PTPN22: variants seen among roughly 807,000 people sequenced by gnomAD.
PTPN22 encodes tyrosine-protein phosphatase non-receptor type 22.
PTPN22 carries 85 observed loss-of-function variants against 103.3 expected under a neutral mutation model. That is an observed-to-expected ratio of 0.82 (90% confidence interval 0.69 to 0.99). The LOEUF is 0.99. Ranked by LOEUF, PTPN22 falls within the 50% of genes least tolerant of loss-of-function variation. The probability of loss-of-function intolerance (pLI) is 0.00; values close to 1 mark genes in which losing one functional copy is unlikely to be tolerated. For synonymous variants in PTPN22, 323 were observed against 310.2 expected (o/e 1.04, Z -0.43); for missense variants, 865 against 936.9 (o/e 0.92, Z 1.00).
At chr1:113,829,684 T>C in exon 18 of PTPN22, 3 of 1,598,860 alleles carry the variant, frequency 1.9e-6, no homozygotes, top group Non-Finnish European at 2.6e-6. Flanking sequence ...GTAGAATATG[T>C]TTCTATAGAT....
At chr1:113,859,395 C>T in exon 2 of PTPN22, 1 of 1,613,938 alleles carries the variant, frequency 6.2e-7, no homozygotes, top group Non-Finnish European at 8.5e-7. Context: ...TATTCTTGGG[C>T]TTCTCAGCCA....
intron 11 of PTPN22, among the ~76,000 whole-genome samples, chr1:113,840,438 G>T (rs1157587051): frequency 1.3e-5 from 2 of 152,002 alleles, no homozygotes; most frequent in African/African-American, 4.8e-5. Context: ...TATTTATAAT[G>T]GCATCAAAAA....
chr1:113,847,162 G>T, intron 11 of PTPN22, among the ~76,000 whole-genome samples: 2 of 140,578 alleles, frequency 1.4e-5, no homozygotes, highest in African/African-American at 5.2e-5. Flanking sequence ...CATCTATTTT[G>T]CTTCAGTTAC....
chr1:113,825,205 T>A, intron 18 of PTPN22, 33 bp from the exon 19 acceptor site: 2 of 1,369,798 alleles, frequency 1.5e-6, no homozygotes, highest in Non-Finnish European at 2.0e-6. Context: ...TAGTTTTTTT[T>A]CCTGTGAAAC....
At chr1:113,833,850 T>C (rs1293847634) in intron 15 of PTPN22, among the ~76,000 whole-genome samples, 1 of 152,204 alleles carries the variant, frequency 6.6e-6, no homozygotes, top group Non-Finnish European at 1.5e-5. Flanking sequence ...CTCTATAACA[T>C]ATTATCACAG....
At chr1:113,853,782 A>G (rs1664789430) in intron 9 of PTPN22, among the ~76,000 whole-genome samples, 2 of 151,324 alleles carry the variant, frequency 1.3e-5, no homozygotes, top group Admixed American at 6.6e-5. Flanking sequence ...CCCGGGTTCA[A>G]GCAATTCTCC....
Position 113,856,546 on chromosome 1 carries a change from A to T in PTPN22, c.480+2T>A, listed in dbSNP as rs1665091484. 2 of 1,614,218 alleles carry T rather than the reference A, an allele frequency of 1.2e-6. No individual in the cohort carries two copies. The highest frequency in any genetic ancestry group is 1.7e-6 in the Non-Finnish European group (2 of 1,180,032). ...AGACATGAGAACAGACATTACACTT[A>T]CACAGGATACAGAGAAAGGGCCAAA... On this transcript the variant is annotated splice_donor_variant, in intron 6 of 20. Transcript: ENST00000359785. LOFTEE classifies it high-confidence loss of function.
At chr1:113,835,035 A>G in intron 13 of PTPN22, 42 bp from the exon 14 acceptor site, 1 of 1,236,186 alleles carries the variant, frequency 8.1e-7, no homozygotes, top group South Asian at 1.5e-5. Flanking sequence ...TGTTAATTAG[A>G]ACAATCCAAA....
rs757933359 is a variant in PTPN22 at position 113,852,011 on chromosome 1, T to C, written c.828+16A>G. ...GACTCAGACACATGTTCTGATCCAT[T>C]CACTATAGTTCATACCTGCGTTTGA... On this transcript the variant is annotated intron_variant, in intron 10 of 20. Transcript: ENST00000359785. 7.0e-6 allele frequency: 11 copies of C among 1,580,886 alleles called. No homozygotes were observed. Among genetic ancestry groups the C allele is most frequent in the Non-Finnish European group, 9.6e-6 (11 of 1,151,124 alleles).
intron 3 of PTPN22, 69 bp from the exon 4 acceptor site, chr1:113,858,642 C>CTT: frequency 1.0e-6 from 1 of 958,890 alleles, no homozygotes; most frequent in Admixed American, 3.0e-5. Flanking sequence ...TCCTCCGCTT[C>CTT]CTTTTTTTTT....
At chr1:113,854,795 T>C (rs1664903669) in intron 8 of PTPN22, 112 bp downstream of exon 8, 2 of 1,331,126 alleles carry the variant, frequency 1.5e-6, no homozygotes, top group Non-Finnish European at 2.1e-6. Context: ...TTAGGTTGAA[T>C]TTATTATCGT....
intron 19 of PTPN22, among the ~76,000 whole-genome samples, 176 bp downstream of exon 19, chr1:113,824,966 C>CAA (rs35424386): frequency 0.021 from 1,367 of 64,090 alleles, 12 homozygotes; most frequent in African/African-American, 0.025. Context: ...TGAAGCCTAG[C>CAA]AAAAAAAAAA....
In PTPN22 at chr1:113,848,119, G is replaced by C. The variant is rs114141004; in HGVS notation, c.915+421C>G. On this transcript the variant is annotated intron_variant, in intron 11 of 20. Coordinates refer to ENST00000359785, the Ensembl canonical transcript of PTPN22. ...GCTGGAGTGCTGTGGTGCCATTTCA[G>C]CTCACTGCGACCTCCACCTCCCAGG... Among the ~76,000 whole-genome samples the C allele has an allele frequency of 4.8e-3, 730 of 152,180 alleles. 3 individuals are homozygous for C. Among genetic ancestry groups the C allele is most frequent in the African/African-American group, 0.017 (711 of 41,506 alleles).
intron 1 of PTPN22, among the ~76,000 whole-genome samples, chr1:113,869,516 T>A (rs1284818109): frequency 6.6e-6 from 1 of 151,944 alleles, no homozygotes; most frequent in African/African-American, 2.4e-5. Flanking sequence ...TGTGTCAACC[T>A]CTTGAGTAGC....
intron 16 of PTPN22, among the ~76,000 whole-genome samples, chr1:113,830,925 A>G (rs909968074): frequency 2.6e-5 from 4 of 152,162 alleles, no homozygotes; most frequent in Non-Finnish European, 5.9e-5. Flanking sequence ...AATTTGTCTT[A>G]TCAATAAATT....
At chr1:113,837,806 C>T in exon 13 of PTPN22, 1 of 1,613,922 alleles carries the variant, frequency 6.2e-7, no homozygotes, top group Non-Finnish European at 8.5e-7. Flanking sequence ...GGATTTTCCA[C>T]TAAAGGTATG....
Position 113,858,589 on chromosome 1 carries a change from A to C in PTPN22, c.274-16T>G. 1 of 1,478,896 alleles carries C rather than the reference A, an allele frequency of 6.8e-7. No individual in the cohort carries two copies. The highest frequency in any genetic ancestry group is 9.3e-7 in the Non-Finnish European group (1 of 1,077,152). 91.6% of individuals were successfully genotyped at this position (1,478,896 alleles called of 1,614,324 possible). A position where few individuals can be genotyped will look rare whatever the true frequency, so the allele number is the denominator to read the frequency against. ...CATAAACTCCCTAAAGGGGAACAGA[A>C]ATTACACGGGGTGACTACAAATAAT... is the stretch of plus-strand genomic sequence containing the variant. On this transcript the variant is annotated splice_polypyrimidine_tract_variant and intron_variant, in intron 3 of 20. Transcript: ENST00000359785.
At chr1:113,841,831 G>A (rs1215882190) in intron 11 of PTPN22, among the ~76,000 whole-genome samples, 1 of 152,064 alleles carries the variant, frequency 6.6e-6, no homozygotes, top group Non-Finnish European at 1.5e-5. Context: ...TCAAACTCCT[G>A]ACCTCAAGTG....
chr1:113,869,336 T>A (rs577186285), intron 1 of PTPN22, among the ~76,000 whole-genome samples: 13 of 152,174 alleles, frequency 8.5e-5, no homozygotes, highest in African/African-American at 2.9e-4. Flanking sequence ...GCTGCTATAT[T>A]TTGGTGAGAA....
Sources: gnomAD v4.1 joint callset for allele counts (sites outside exome capture counted in the v4.1 genomes callset) on GRCh38, gnomAD v4.1.1 for gene constraint, MANE v1.5 for transcripts, NCBI Gene and HGNC (gene_info 2026-07-23, HGNC 2026-07-21) for gene names.